GRK2: variants seen among roughly 807,000 people sequenced by gnomAD.
GRK2 encodes the protein G protein-coupled receptor kinase 2.
Under a neutral mutation model 97.8 loss-of-function variants are expected in GRK2, and 23 were observed. The observed-to-expected ratio is 0.24, with a 90% CI of 0.17 to 0.33. The LOEUF is 0.33. GRK2 is among the 10% of genes least tolerant of loss of function. The pLI is 1.00. For synonymous variants in GRK2, 425 were observed against 381.7 expected, an observed-to-expected ratio of 1.11 and a Z score of -1.32; for missense variants, 633 against 956.9, an observed-to-expected ratio of 0.66 and a Z score of 4.47.
Position 67,279,688 on chromosome 11 carries a change from G to C in GRK2, c.429G>C (p.Pro143=). The change falls in exon 5 of 21, where the codon CCG becomes CCC. Residue 143 remains proline, a synonymous_variant. Transcript: ENST00000308595. The part of the protein sequence containing the change: ...QGHLGKKQVP[P]DLFQPYIEEI... ...ACCTGGGGAAGAAGCAGGTGCCTCCGGATCTCTTCCAGGTGTGTGCCTCCC... is the reference window on the plus strand; with the variant it reads ...ACCTGGGGAAGAAGCAGGTGCCTCCCGATCTCTTCCAGGTGTGTGCCTCCC... The C allele has an allele frequency of 3.1e-6, 5 of 1,613,586 alleles. No individual in the cohort carries two copies. The highest frequency in any genetic ancestry group is 4.2e-6 in the Non-Finnish European group (5 of 1,179,986).
intron 18 of GRK2, 79 bp downstream of exon 18, chr11:67,284,452 C>T (rs1860226866): frequency 1.3e-6 from 2 of 1,497,138 alleles, no homozygotes; most frequent in Non-Finnish European, 1.8e-6. Flanking sequence ...AAGGAACTCA[C>T]CCTGGATCAC....
At chr11:67,279,343 C>A in intron 3 of GRK2, 70 bp downstream of exon 3, 2 of 1,608,192 alleles carry the variant, frequency 1.2e-6, no homozygotes, top group South Asian at 2.2e-5. Context: ...CTTTGTGGAA[C>A]CCACAAGCTG....
Position 67,283,918 on chromosome 11 carries a change from C to G in GRK2, c.1460C>G (p.Ser487Cys). The G allele has an allele frequency of 6.2e-7, 1 of 1,612,492 alleles. No homozygotes were observed. The highest frequency in any genetic ancestry group is 8.5e-7 in the Non-Finnish European group (1 of 1,179,580). ...GCGGCCGACGCCTTCGACATTGGCT[C>G]CTTCGATGAGGAGGACACAAAAGGA... is the stretch of plus-strand genomic sequence containing the variant. ...VNAADAFDIG[S>C]FDEEDTKGIK... is the part of the protein sequence containing the mutation. The change falls in exon 17 of 21, where the codon TCC becomes TGC. Residue 487 changes from serine (S) to cysteine (C), a missense_variant. By Grantham distance (112) the Ser-to-Cys change is moderately radical (BLOSUM62 -1). Transcript: ENST00000308595.
In GRK2 at chr11:67,279,896, G is replaced by A. The variant is rs2136500321; in HGVS notation, c.499G>A (p.Glu167Lys). 6.2e-7 allele frequency: 1 copy of A among 1,613,876 alleles called. No homozygotes were observed. Residue 167 changes from glutamate to lysine, a missense_variant, in exon 6 of 21, where the codon GAG (glutamate) becomes AAG (lysine). Physicochemically the swap from Glu to Lys is moderately conservative, Grantham distance 56. Coordinates refer to ENST00000308595, the MANE Select transcript of GRK2 (RefSeq NM_001619.5). ...LRGDVFQKFIESDKFTRFCQW... is the reference protein window; with the variant it reads ...LRGDVFQKFIKSDKFTRFCQW... ...AGGGGACGTGTTCCAGAAATTCATT[G>A]AGAGGTGAGAGCAGGGAAGTGTGGG...
chr11:67,285,604 C>T lies in GRK2; in HGVS notation c.*154C>T, dbSNP rs1274528767. 15 of 1,013,646 alleles carry T rather than the reference C, an allele frequency of 1.5e-5. No homozygotes were observed. The Admixed American group carries it at 2.0e-4, about 13-fold the overall frequency. 62.8% of individuals were successfully genotyped at this position (1,013,646 alleles called of 1,614,324 possible). On this transcript the variant is annotated 3_prime_UTR_variant, in exon 21 of 21. Coordinates refer to ENST00000308595, the MANE Select transcript of GRK2 (RefSeq NM_001619.5). ...TCCCCCGGGAGGGGCCCGCTTGCCT[C>T]GGCTCCTGCTGCACCAACCCAGCCG...
At position 67,266,779 on chromosome 11, in the gene GRK2, GC is replaced by G; in HGVS notation, c.81del (p.Ala28ProfsTer26). The G allele has an allele frequency of 7.3e-7, 1 of 1,364,776 alleles. No individual in the cohort carries two copies. Among genetic ancestry groups the G allele is most frequent in the South Asian group, 1.8e-5 (1 of 57,142 alleles). 84.5% of individuals were successfully genotyped at this position (1,364,776 alleles called of 1,614,324 possible). On this transcript the variant is annotated frameshift_variant, in exon 1 of 21. Transcript: ENST00000308595. LOFTEE classifies it high-confidence loss of function. ...MEKSKATPAA[R>X]ASKKILLPEP... ...AAGAGCAAGGCCACGCCGGCCGCGC[GC>G]GCCAGCAAGAAGATCCTGCTGCCCG...
chr11:67,285,038 C>A (rs780983311), intron 19 of GRK2, 37 bp from the exon 20 acceptor site: 1 of 1,612,156 alleles, frequency 6.2e-7, no homozygotes, highest in African/African-American at 1.3e-5. Context: ...CTGGCCGGCC[C>A]GGCTCTTACC....
In GRK2 at chr11:67,266,678, A is replaced by T; in HGVS notation, c.-22A>T. On this transcript the variant is annotated 5_prime_UTR_variant, in exon 1 of 21. Transcript: ENST00000308595. ...CGGCGGCGGCGGCGGCGGCGGCGGG[A>T]GGAGGCAGCGCCGCCGCCAAGATGG... The T allele has an allele frequency of 2.9e-6, 3 of 1,045,874 alleles. No homozygotes were observed. Among genetic ancestry groups the T allele is most frequent in the East Asian group, 5.4e-5 (1 of 18,504 alleles). 64.8% of individuals were successfully genotyped at this position (1,045,874 alleles called of 1,614,324 possible). A position where few individuals can be genotyped will look rare whatever the true frequency, so the allele number is the denominator to read the frequency against.
chr11:67,273,895 C>T (rs1174882435), intron 1 of GRK2, among the ~76,000 whole-genome samples: 1 of 151,874 alleles, frequency 6.6e-6, no homozygotes, highest in Non-Finnish European at 1.5e-5. Context: ...CCCTGGCTGT[C>T]GCAGGCAGGG....
Position 67,285,639 on chromosome 11 carries a change from G to T in GRK2, c.*189G>T. ...TGCACCAACCCAGCCGCTGCCCGGCGCCCTCTGTCCTGACTTCAGGGGCTG... is the reference window on the plus strand; with the variant it reads ...TGCACCAACCCAGCCGCTGCCCGGCTCCCTCTGTCCTGACTTCAGGGGCTG... On this transcript the variant is annotated 3_prime_UTR_variant, in exon 21 of 21. Coordinates refer to ENST00000308595, the MANE Select transcript of GRK2 (RefSeq NM_001619.5). 1 of 704,682 alleles carries T rather than the reference G, an allele frequency of 1.4e-6. No homozygotes were observed. Among genetic ancestry groups the T allele is most frequent in the Non-Finnish European group, 2.2e-6 (1 of 447,068 alleles). 43.7% of individuals were successfully genotyped at this position (704,682 alleles called of 1,614,324 possible). A position where few individuals can be genotyped will look rare whatever the true frequency, so the allele number is the denominator to read the frequency against.
rs578102272 is a variant in GRK2 at position 67,275,547 on chromosome 11, C to T, written c.114-1725C>T. On this transcript the variant is annotated intron_variant, in intron 1 of 20. Coordinates refer to ENST00000308595, the MANE Select transcript of GRK2 (RefSeq NM_001619.5). Reference sequence around the variant, plus strand: ...CTCCGCGTGGCGCCTCCAGTGGAGTCGGGCCACCCACCGCCCTGGACCAAG... The same window carrying T: ...CTCCGCGTGGCGCCTCCAGTGGAGTTGGGCCACCCACCGCCCTGGACCAAG... 6.0e-5 allele frequency among the ~76,000 whole-genome samples: 9 copies of T among 150,804 alleles called. No homozygotes were observed. In the South Asian group the frequency reaches 1.7e-3, roughly 29 times the overall value.
Position 67,281,316 on chromosome 11 carries a change from G to A in GRK2, c.647+132G>A. 1 of 1,073,308 alleles carries A rather than the reference G, an allele frequency of 9.3e-7. No homozygotes were observed. The highest frequency in any genetic ancestry group is 1.4e-6 in the Non-Finnish European group (1 of 724,530). The allele number at this position is 1,073,308 out of a possible 1,614,324, so 66.5% of individuals were successfully genotyped here. A position where few individuals can be genotyped will look rare whatever the true frequency, so the allele number is the denominator to read the frequency against. ...GTCTTGCCGTGCTGTTACCCCCGCA[G>A]GCTCCTCTGGCCCCAGCCCTCCCTG... On this transcript the variant is annotated intron_variant, in intron 8 of 20. Transcript: ENST00000308595. The surrounding 1 kb of genome is among the most constrained non-coding windows in gnomAD (Gnocchi z 5.7).
rs769030499 is a variant in GRK2 at position 67,284,890 on chromosome 11, C to T, written c.1698C>T (p.Ser566=). ...ACTGCATCATGCATGGCTACATGTC[C>T]AAGATGGGCAACCCCTTCCTGACCC... ...GKDCIMHGYM[S]KMGNPFLTQW... is the part of the protein sequence containing the mutation. Residue 566 remains serine (S), a synonymous_variant, in exon 19 of 21, where the codon TCC becomes TCT. Transcript: ENST00000308595. 2.5e-6 allele frequency: 4 copies of T among 1,613,488 alleles called. No individual in the cohort carries two copies. The highest frequency in any genetic ancestry group is 3.4e-6 in the Non-Finnish European group (4 of 1,180,012).
In GRK2 at chr11:67,282,457, C is replaced by T; in HGVS notation, c.1075C>T (p.Pro359Ser). ...CAGGGGCACCCACGGGTACATGGCT[C>T]CGGAGGTCCTGCAGAAGGGCGTGGC... ...ASVGTHGYMA[P>S]EVLQKGVAYD... Residue 359 changes from proline to serine, a missense_variant, in exon 13 of 21, where the codon CCG (proline) becomes TCG (serine). Physicochemically the swap from Pro to Ser is moderately conservative, Grantham distance 74 (BLOSUM62 -1). Transcript: ENST00000308595. The surrounding 1 kb of genome is among the most constrained non-coding windows in gnomAD (Gnocchi z 6.9). 6.2e-7 allele frequency: 1 copy of T among 1,613,662 alleles called. No individual in the cohort carries two copies.
intron 2 of GRK2, among the ~76,000 whole-genome samples, chr11:67,277,898 C>T (rs1470447022): frequency 6.6e-6 from 1 of 152,252 alleles, no homozygotes; most frequent in Non-Finnish European, 1.5e-5. Context: ...GCTCCAGCCC[C>T]ACATGGCTCT....
intron 1 of GRK2, among the ~76,000 whole-genome samples, chr11:67,270,465 C>CGCTGCCT (rs1281603674): frequency 3.3e-5 from 5 of 152,128 alleles, no homozygotes; most frequent in Non-Finnish European, 5.9e-5. Flanking sequence ...CCTGTTCCTC[C>CGCTGCCT]GCTGCCTCGT....
At position 67,282,354 on chromosome 11, in the gene GRK2, C is replaced by T; in HGVS notation, c.1041C>T (p.Pro347=). The T allele has an allele frequency of 1.9e-6, 3 of 1,613,570 alleles. No individual in the cohort carries two copies. The highest frequency in any genetic ancestry group is 1.3e-5 in the African/African-American group (1 of 75,056). ...CCTGTGACTTCTCCAAGAAGAAGCC[C>T]CATGCCAGCGTGTGAGTGCCCCCCA... ...GLACDFSKKK[P]HASVGTHGYM... Residue 347 remains proline, a synonymous_variant, in exon 12 of 21, where the codon CCC becomes CCT. Coordinates refer to ENST00000308595, the MANE Select transcript of GRK2 (RefSeq NM_001619.5). This position sits in a 1 kb window ranked among gnomAD's most constrained non-coding sequence, Gnocchi z 6.9.
chr11:67,282,016 C>T lies in GRK2; in HGVS notation c.957+64C>T. ...CTGTCCTCTCCTTCCTCTCGACATC[C>T]CGGCCACCAGGCCCAGAGGAGTGGG... On this transcript the variant is annotated intron_variant, in intron 11 of 20. Coordinates refer to ENST00000308595, the MANE Select transcript of GRK2 (RefSeq NM_001619.5). The surrounding 1 kb of genome is among the most constrained non-coding windows in gnomAD (Gnocchi z 6.9). 3.1e-6 allele frequency: 5 copies of T among 1,601,910 alleles called. No homozygotes were observed. Among genetic ancestry groups the T allele is most frequent in the Non-Finnish European group, 4.3e-6 (5 of 1,172,510 alleles).
Position 67,282,892 on chromosome 11 carries a change from C to A in GRK2, c.1227+74C>A. On this transcript the variant is annotated intron_variant, in intron 14 of 20. Coordinates refer to ENST00000308595, the MANE Select transcript of GRK2 (RefSeq NM_001619.5). The surrounding 1 kb of genome is among the most constrained non-coding windows in gnomAD (Gnocchi z 6.9). ...TGTGGGTGCCAGGCCATGACTCTTG[C>A]TTCCCACCAGCCAGCAGAGATCTGG... is the stretch of plus-strand genomic sequence containing the variant. 6.7e-7 allele frequency: 1 copy of A among 1,485,444 alleles called. No individual in the cohort carries two copies. Among genetic ancestry groups the A allele is most frequent in the Non-Finnish European group, 9.2e-7 (1 of 1,091,552 alleles). 92.0% of individuals were successfully genotyped at this position (1,485,444 alleles called of 1,614,324 possible). A position where few individuals can be genotyped will look rare whatever the true frequency, so the allele number is the denominator to read the frequency against.
Sources: gnomAD v4.1 joint callset for allele counts (sites outside exome capture counted in the v4.1 genomes callset) on GRCh38, gnomAD v4.1.1 for gene constraint, Gnocchi (gnomAD v3.1) non-coding constraint, MANE v1.5 for transcripts, NCBI Gene and HGNC (gene_info 2026-07-23, HGNC 2026-07-21) for gene names.